RAB40C: variants seen among roughly 807,000 people sequenced by gnomAD.
RAB40C encodes ras-related protein Rab-40C.
Under a neutral mutation model 28.1 loss-of-function variants are expected in RAB40C, and 8 were observed. That is an observed-to-expected ratio of 0.28 (90% CI 0.17 to 0.51). The LOEUF (loss-of-function observed/expected upper bound fraction) is 0.51, where lower values mean the gene tolerates loss of function less well. Ranked by LOEUF, RAB40C falls within the 20% of genes least tolerant of loss-of-function variation. The probability of loss-of-function intolerance (pLI) is 0.97; values close to 1 mark genes in which losing one functional copy is unlikely to be tolerated. For synonymous variants in RAB40C, 201 were observed against 171.7 expected (o/e 1.17, Z -1.34); for missense variants, 288 against 405.9 (o/e 0.71, Z 2.50).
Position 590,344 on chromosome 16 carries a change from T to C in RAB40C, c.53T>C (p.Leu18Pro), listed in dbSNP as rs1218164093. 1 of 1,596,090 alleles carries C rather than the reference T, an allele frequency of 6.3e-7. No homozygotes were observed. The highest frequency in any genetic ancestry group is 8.5e-7 in the Non-Finnish European group (1 of 1,173,216). ...VKSYDYLLKF[L>P]LVGDSDVGKG... Reference sequence around the variant, plus strand: ...AGCTACGACTACCTGCTCAAGTTCCTGCTGGTGGGCGACAGCGACGTGGGC... The same window carrying C: ...AGCTACGACTACCTGCTCAAGTTCCCGCTGGTGGGCGACAGCGACGTGGGC... The change falls in exon 1 of 6, where the codon CTG (leucine) becomes CCG (proline). Residue 18 changes from leucine to proline, a missense_variant. Leu to Pro is a moderately conservative substitution (Grantham distance 98). Transcript: ENST00000248139.
At chr16:622,161 A>G (rs1366993528) in intron 3 of RAB40C, among the ~76,000 whole-genome samples, 1 of 152,142 alleles carries the variant, frequency 6.6e-6, no homozygotes, top group Non-Finnish European at 1.5e-5. Context: ...ATGATAGCAA[A>G]AAGGACACCC....
At chr16:599,470 G>A (rs182160246) in intron 1 of RAB40C, among the ~76,000 whole-genome samples, 2 of 152,266 alleles carry the variant, frequency 1.3e-5, no homozygotes, top group Admixed American at 1.3e-4. Context: ...GGGCCACGCC[G>A]TGCCTCCTCC....
rs368232575 is a variant in RAB40C, at chr16:625,980, C to T, written c.424C>T (p.Arg142Cys). The T allele has an allele frequency of 2.5e-6, 4 of 1,613,066 alleles. No homozygotes were observed. Among genetic ancestry groups the T allele is most frequent in the Non-Finnish European group, 3.4e-6 (4 of 1,180,004 alleles). Residue 142 changes from arginine (R) to cysteine (C), a missense_variant, in exon 5 of 6, where the codon CGC becomes TGC. Around this residue, in one of 3 missense-constraint regions of RAB40C, gnomAD observed 153 missense variants for 262.4 expected, o/e 0.58. Coordinates refer to ENST00000248139, the MANE Select transcript of RAB40C (RefSeq NM_021168.5). ...GCGGCAGGTCCCGACGGAGCAGGCCCGCGCGTACGCAGAGAAGAACTGCAT... is the reference window on the plus strand; with the variant it reads ...GCGGCAGGTCCCGACGGAGCAGGCCTGCGCGTACGCAGAGAAGAACTGCAT... ...FKRQVPTEQA[R>C]AYAEKNCMTF...
In RAB40C at chr16:628,614, G is replaced by A. The variant is rs2151084304; in HGVS notation, c.*992G>A. 1 of 152,592 alleles carries A rather than the reference G, an allele frequency of 6.6e-6. No individual in the cohort carries two copies. The highest frequency in any genetic ancestry group is 2.1e-4 in the South Asian group (1 of 4,840). The allele number at this position is 152,592 out of a possible 1,614,324, so 9.5% of individuals were successfully genotyped here. On this transcript the variant is annotated 3_prime_UTR_variant, in exon 6 of 6. Transcript: ENST00000248139. ...CACGTCCACCTGGGGGCCTCGGGAGGCTAGGCCCCTCCTCAAAGGCCCACC... is the reference window on the plus strand; with the variant it reads ...CACGTCCACCTGGGGGCCTCGGGAGACTAGGCCCCTCCTCAAAGGCCCACC...
At chr16:621,072 G>A (rs2151078585) in intron 3 of RAB40C, among the ~76,000 whole-genome samples, 1 of 152,358 alleles carries the variant, frequency 6.6e-6, no homozygotes, top group South Asian at 2.1e-4. Flanking sequence ...TGTTAACTCT[G>A]GAAATTCTGA....
Position 590,240 on chromosome 16 carries a change from C to T in RAB40C, c.-52C>T. 2 of 1,329,504 alleles carry T rather than the reference C, an allele frequency of 1.5e-6. No individual in the cohort carries two copies. Among genetic ancestry groups the T allele is most frequent in the Non-Finnish European group, 1.9e-6 (2 of 1,029,082 alleles). 82.4% of individuals were successfully genotyped at this position (1,329,504 alleles called of 1,614,324 possible). ...CGCGGGCTCTCTCACGCCGCGGCCT[C>T]ACCCGGCGGTGCTTCGGCAGGCGGC... On this transcript the variant is annotated 5_prime_UTR_variant, in exon 1 of 6. Coordinates refer to ENST00000248139, the MANE Select transcript of RAB40C (RefSeq NM_021168.5).
chr16:593,566 C>T (rs2036047283), intron 1 of RAB40C, among the ~76,000 whole-genome samples: 2 of 152,250 alleles, frequency 1.3e-5, no homozygotes. Flanking sequence ...GGATCGCTTA[C>T]CTGCCTGGAA....
At chr16:591,069 G>A (rs1476978850) in intron 1 of RAB40C, among the ~76,000 whole-genome samples, 1 of 150,942 alleles carries the variant, frequency 6.6e-6, no homozygotes, top group African/African-American at 2.4e-5. Flanking sequence ...CTGGGGGAAG[G>A]CATCATGGTC....
rs576846115 is a variant in RAB40C at position 616,474 on chromosome 16, G to A, written c.143-734G>A. On this transcript the variant is annotated intron_variant, in intron 1 of 5. Coordinates refer to ENST00000248139, the MANE Select transcript of RAB40C (RefSeq NM_021168.5). ...CTGCCTCAGCCTCCCGAGTAGCTGGGATTAAAGGTGCCCACCACCACACCT... is the reference window on the plus strand; with the variant it reads ...CTGCCTCAGCCTCCCGAGTAGCTGGAATTAAAGGTGCCCACCACCACACCT... 6.4e-4 allele frequency among the ~76,000 whole-genome samples: 98 copies of A among 151,956 alleles called. 6 individuals carry two copies. The South Asian group carries it at 0.011, about 18-fold the overall frequency.
In RAB40C at chr16:626,097, G is replaced by A; in HGVS notation, c.541G>A (p.Glu181Lys). The change falls in exon 5 of 6, where the codon GAG becomes AAG. Residue 181 changes from glutamate (E) to lysine (K), a missense_variant. Glu to Lys is a moderately conservative substitution (Grantham distance 56). This residue lies in a region of RAB40C where 153 missense variants were observed against 262.4 expected (regional missense o/e 0.58). Transcript: ENST00000248139. ...CATCGTGCTCATGCGGCACGGCATG[G>A]AGAAGATCTGGAGGCCCAACCGAGG... ...SRIVLMRHGM[E>K]KIWRPNRVFS... 1 of 1,613,114 alleles carries A rather than the reference G, an allele frequency of 6.2e-7. No individual in the cohort carries two copies. The highest frequency in any genetic ancestry group is 8.5e-7 in the Non-Finnish European group (1 of 1,179,948).
At chr16:596,065 C>T (rs1235072885) in intron 1 of RAB40C, among the ~76,000 whole-genome samples, 14 of 152,278 alleles carry the variant, frequency 9.2e-5, no homozygotes, top group Admixed American at 7.8e-4. Context: ...TTAGCACTTG[C>T]TCTAAGCGCT....
chr16:598,552 T>C (rs2036181753), intron 1 of RAB40C, among the ~76,000 whole-genome samples: 1 of 140,008 alleles, frequency 7.1e-6, no homozygotes, highest in African/African-American at 2.7e-5. Context: ...AGAGCGAGAC[T>C]CTGTCTCACA....
intron 1 of RAB40C, among the ~76,000 whole-genome samples, chr16:591,419 C>G (rs758593679): frequency 6.6e-6 from 1 of 152,138 alleles, no homozygotes; most frequent in African/African-American, 2.4e-5. Context: ...GCAGGTGCTG[C>G]TGGGCTGCTC....
chr16:590,882 A>G (rs1459857044), intron 1 of RAB40C, among the ~76,000 whole-genome samples: 2 of 145,354 alleles, frequency 1.4e-5, no homozygotes, highest in African/African-American at 5.2e-5. Context: ...GGAAGGTGTC[A>G]TGGGTGCAGG....
At chr16:603,472 C>G (rs2036296950) in intron 1 of RAB40C, among the ~76,000 whole-genome samples, 1 of 152,146 alleles carries the variant, frequency 6.6e-6, no homozygotes, top group Admixed American at 6.5e-5. Flanking sequence ...CTTAGAGCCC[C>G]AGGTCTTCAG....
intron 1 of RAB40C, among the ~76,000 whole-genome samples, chr16:591,185 G>A (rs1462898277): frequency 4.1e-5 from 6 of 147,972 alleles, no homozygotes; most frequent in Admixed American, 6.7e-5. Flanking sequence ...AAGGTGTCAT[G>A]GGCCTAAGGG....
Position 627,784 on chromosome 16 carries a change from C to T in RAB40C, c.*162C>T, listed in dbSNP as rs2036873144. On this transcript the variant is annotated 3_prime_UTR_variant, in exon 6 of 6. Transcript: ENST00000248139. ...TGAGCCGGGTGCGAGGAGGAGCATG[C>T]ACGGACCAAGCGCGGCAGGCGGGAG... The T allele has an allele frequency of 3.3e-6, 3 of 896,326 alleles. No homozygotes were observed. In the African/African-American group the frequency reaches 5.1e-5, roughly 15 times the overall value. The allele number at this position is 896,326 out of a possible 1,614,324, so 55.5% of individuals were successfully genotyped here. A position where few individuals can be genotyped will look rare whatever the true frequency, so the allele number is the denominator to read the frequency against.
chr16:604,225 C>G (rs2151066267), intron 1 of RAB40C, among the ~76,000 whole-genome samples: 1 of 138,310 alleles, frequency 7.2e-6, no homozygotes, highest in African/African-American at 2.9e-5. Context: ...CGGCTCAGAG[C>G]TAGTTCTTTT....
chr16:616,335 T>TTATTTATTTATTTATG (rs2036583879), intron 1 of RAB40C, among the ~76,000 whole-genome samples: 1 of 146,690 alleles, frequency 6.8e-6, no homozygotes, highest in African/African-American at 2.6e-5. Flanking sequence ...AAGCAGCATT[T>TTATTTATTTATTTATG]TATTTATTTA....
Sources: allele counts gnomAD v4.1 joint callset (sites outside exome capture counted in the v4.1 genomes callset), GRCh38; gene constraint gnomAD v4.1.1; regional missense constraint gnomAD v4.1.1; transcripts MANE v1.5; gene names NCBI Gene and HGNC (gene_info 2026-07-23, HGNC 2026-07-21).